JADE2: variants seen among roughly 807,000 people sequenced by gnomAD.
The protein encoded by JADE2 is E3 ubiquitin-protein ligase Jade-2.
A neutral mutation model predicts 85.7 loss-of-function variants in JADE2; 13 were observed. The observed-to-expected ratio is 0.15, with a 90% CI of 0.10 to 0.24. JADE2 has a LOEUF of 0.24. Among genes scored for constraint, JADE2 ranks in the 10% least tolerant of loss-of-function variants. The pLI is 1.00. For synonymous variants in JADE2, 440 were observed against 456.1 expected (o/e 0.96, Z 0.45); for missense variants, 846 against 1,115.9 (o/e 0.76, Z 3.45).
upstream of JADE2, chr5:134,524,165 C>T (rs1317433551): frequency 2.0e-5 from 3 of 152,272 alleles, no homozygotes. Flanking sequence ...GCCAGACCCA[C>T]CCCCTCCCCA....
At chr5:134,551,964 T>C in intron 3 of JADE2, 88 bp from the exon 4 acceptor site, 3 of 1,213,758 alleles carry the variant, frequency 2.5e-6, no homozygotes, top group Non-Finnish European at 3.6e-6. Flanking sequence ...TCCACTTGAG[T>C]TGCATGTATC....
In JADE2 at chr5:134,560,825, G is replaced by A. The variant is rs752017233; in HGVS notation, c.552G>A (p.Arg184=). The A allele has an allele frequency of 1.2e-6, 2 of 1,614,200 alleles. No homozygotes were observed. Among genetic ancestry groups the A allele is most frequent in the Non-Finnish European group, 1.7e-6 (2 of 1,180,026 alleles). ...LETLCHQNMA[R]AIETQEGLGI... ...CCCTGTGCCACCAGAATATGGCCAG[G>A]GCCATTGAGACGCAGGAGGGGCTGG... The change falls in exon 6 of 12, where the codon AGG becomes AGA. Residue 184 remains arginine, a synonymous_variant. Transcript: ENST00000681547.
At chr5:134,564,841 C>T (rs530628745) in intron 8 of JADE2, among the ~76,000 whole-genome samples, 44 of 152,262 alleles carry the variant, frequency 2.9e-4, no homozygotes, top group Non-Finnish European at 1.0e-4. Context: ...GCTCACCACC[C>T]CATTGGAGTG....
chr5:134,550,932 A>AC (rs1762552418), intron 3 of JADE2, among the ~76,000 whole-genome samples: 1 of 151,056 alleles, frequency 6.6e-6, no homozygotes, highest in South Asian at 2.1e-4. Context: ...CTGCCTTCCT[A>AC]CCCCCCCTTC....
intron 9 of JADE2, among the ~76,000 whole-genome samples, chr5:134,571,865 G>C (rs780259568): frequency 1.3e-5 from 2 of 152,170 alleles, no homozygotes; most frequent in African/African-American, 4.8e-5. Context: ...TGGATTCCTC[G>C]TTCCCAGGCT....
chr5:134,572,573 G>C (rs958455630), intron 9 of JADE2, among the ~76,000 whole-genome samples: 1 of 152,242 alleles, frequency 6.6e-6, no homozygotes, highest in Non-Finnish European at 1.5e-5. Context: ...CCTGGTCCCA[G>C]CTGGAAAGAC....
chr5:134,531,830 C>G (rs529215022), intron 1 of JADE2, among the ~76,000 whole-genome samples: 2 of 148,768 alleles, frequency 1.3e-5, no homozygotes, highest in East Asian at 2.0e-4. Context: ...AGTGATCCAC[C>G]CACTTTGGTC....
At chr5:134,555,135 C>G (rs1762832516) in intron 4 of JADE2, among the ~76,000 whole-genome samples, 1 of 152,126 alleles carries the variant, frequency 6.6e-6, no homozygotes, top group African/African-American at 2.4e-5. Context: ...AGCTGCCACC[C>G]CAGGCCCCCT....
chr5:134,574,248 G>A (rs890465342), intron 10 of JADE2: 2 of 208,250 alleles, frequency 9.6e-6, no homozygotes, highest in Non-Finnish European at 1.9e-5. Context: ...CCCTGCATCC[G>A]CGGTGTTTTT....
intron 5 of JADE2, 104 bp from the exon 6 acceptor site, chr5:134,560,642 A>G (rs1298126691): frequency 6.3e-6 from 6 of 959,628 alleles, no homozygotes; most frequent in Non-Finnish European, 9.4e-6. Context: ...AAACCCTCCC[A>G]GACATCTGCC....
intron 3 of JADE2, among the ~76,000 whole-genome samples, chr5:134,541,998 TGCGGGCCTCCGAGCTGAGA>T: frequency 6.6e-6 from 1 of 152,214 alleles, no homozygotes; most frequent in Non-Finnish European, 1.5e-5. Flanking sequence ...GGGGAGTGAG[TGCGGGCCTCCGAGCTGAGA>T]GCTGAAGGCA....
At position 134,549,661 on chromosome 5, in the gene JADE2, C is replaced by CA. The variant is rs942879903; in HGVS notation, c.154-2380dup. 6.4e-4 allele frequency among the ~76,000 whole-genome samples: 91 copies of CA among 142,258 alleles called. No homozygotes were observed. The East Asian group carries it at 7.5e-3, about 12-fold the overall frequency. 93.3% of individuals were successfully genotyped at this position (142,258 alleles called of 152,430 possible). On this transcript the variant is annotated intron_variant, in intron 3 of 11. Coordinates refer to ENST00000681547, the MANE Select transcript of JADE2 (RefSeq NM_001388185.1). The stretch of plus-strand genomic sequence containing the variant: ...AACAGAGCAAGGCTCTGTCTCAAAA[C>CA]AAAAAAAAAAAGTTACAGCCCAGGA...
At chr5:134,556,779 ACACACCT>A (rs1762960234) in intron 4 of JADE2, among the ~76,000 whole-genome samples, 2 of 141,192 alleles carry the variant, frequency 1.4e-5, no homozygotes, top group African/African-American at 2.7e-5. Flanking sequence ...CACACCACAC[ACACACCT>A]CACACATCAC....
In JADE2 at chr5:134,579,085, G is replaced by A. The variant is rs374649530; in HGVS notation, c.2273G>A (p.Ser758Asn). Reference protein sequence around the residue: ...PLGRLRPPRESKVTRRLPGAR... With the variant: ...PLGRLRPPRENKVTRRLPGAR... Reference sequence around the variant, plus strand: ...GGCCGGCTCCGGCCACCCCGCGAGAGCAAGGTAACCCGGAGATTGCCGGGT... The same window carrying A: ...GGCCGGCTCCGGCCACCCCGCGAGAACAAGGTAACCCGGAGATTGCCGGGT... Residue 758 changes from serine (S) to asparagine (N), a missense_variant, in exon 12 of 12, where the codon AGC becomes AAC. Coordinates refer to ENST00000681547, the MANE Select transcript of JADE2 (RefSeq NM_001388185.1). This position sits in a 1 kb window ranked among gnomAD's most constrained non-coding sequence, Gnocchi z 4.6. The A allele has an allele frequency of 2.5e-6, 4 of 1,613,978 alleles. No homozygotes were observed. The African/African-American group carries it at 4.0e-5, about 16-fold the overall frequency.
At chr5:134,571,201 A>G (rs1245047486) in intron 9 of JADE2, among the ~76,000 whole-genome samples, 1 of 152,000 alleles carries the variant, frequency 6.6e-6, no homozygotes, top group African/African-American at 2.4e-5. Flanking sequence ...CTGTGTCAGG[A>G]CTCCACTCAT....
chr5:134,526,741 G>T (rs756437820), intron 1 of JADE2: 12 of 985,364 alleles, frequency 1.2e-5, no homozygotes, highest in Non-Finnish European at 1.4e-5. Context: ...TTGGAGGGGC[G>T]GGGGACACCC....
intron 3 of JADE2, among the ~76,000 whole-genome samples, chr5:134,543,891 G>T (rs1300236083): frequency 6.6e-6 from 1 of 152,216 alleles, no homozygotes; most frequent in African/African-American, 2.4e-5. Flanking sequence ...GGGAGTGTGG[G>T]TGGGGGCAGT....
intron 1 of JADE2, among the ~76,000 whole-genome samples, chr5:134,529,038 C>G (rs1311085914): frequency 6.6e-6 from 1 of 152,208 alleles, no homozygotes; most frequent in African/African-American, 2.4e-5. Context: ...GCCCTGGACA[C>G]TGACCCCCAC....
rs564369964 is a variant in JADE2 at position 134,537,936 on chromosome 5, G to A, written c.59-53G>A. ...AAGCTTCCTATTCTTGGGCATGAGT[G>A]GGTGGTGCTCCTGGCCCTCCAGGAC... On this transcript the variant is annotated intron_variant, in intron 2 of 11. Coordinates refer to ENST00000681547, the MANE Select transcript of JADE2 (RefSeq NM_001388185.1). 11 of 1,322,664 alleles carry A rather than the reference G, an allele frequency of 8.3e-6. No homozygotes were observed. In the South Asian group the frequency reaches 1.3e-4, roughly 16 times the overall value. 81.9% of individuals were successfully genotyped at this position (1,322,664 alleles called of 1,614,324 possible). A position where few individuals can be genotyped will look rare whatever the true frequency, so the allele number is the denominator to read the frequency against.
Sources: gnomAD v4.1 joint callset for allele counts (sites outside exome capture counted in the v4.1 genomes callset) on GRCh38, gnomAD v4.1.1 for gene constraint, Gnocchi (gnomAD v3.1) non-coding constraint, MANE v1.5 for transcripts, NCBI Gene and HGNC (gene_info 2026-07-23, HGNC 2026-07-21) for gene names.